Variants in ARHGAP31 observed in about 807,000 individuals in gnomAD.
ARHGAP31 encodes Rho GTPase activating protein 31, also known as rho GTPase-activating protein 31.
A neutral mutation model predicts 113.9 loss-of-function variants in ARHGAP31; 34 were observed. The ratio of observed to expected loss-of-function variants is 0.30; its 90% CI spans 0.23 to 0.40. The LOEUF (loss-of-function observed/expected upper bound fraction) is 0.40. Ranked by LOEUF, ARHGAP31 falls within the 10% of genes least tolerant of loss-of-function variation. The pLI, the probability that ARHGAP31 is intolerant of heterozygous loss-of-function variation, is 1.00. For missense variants in ARHGAP31, 1,548 were observed against 1,767.1 expected, an observed-to-expected ratio of 0.88 and a Z score of 2.22; for synonymous variants, 650 against 684.8, an observed-to-expected ratio of 0.95 and a Z score of 0.79.
At chr3:119,386,404 C>T (rs1015423478) in intron 6 of ARHGAP31, among the ~76,000 whole-genome samples, 2 of 152,190 alleles carry the variant, frequency 1.3e-5, no homozygotes, top group Admixed American at 6.5e-5. Context: ...CACCTTCTCA[C>T]TGTGTTCTCA....
At chr3:119,392,825 C>A (rs1165910808) in intron 7 of ARHGAP31, among the ~76,000 whole-genome samples, 1 of 152,230 alleles carries the variant, frequency 6.6e-6, no homozygotes, top group African/African-American at 2.4e-5. Flanking sequence ...CTCATCCAAC[C>A]CTTTTCAGTC....
intron 1 of ARHGAP31, chr3:119,299,031 G>A (rs921952185): frequency 6.0e-6 from 1 of 167,870 alleles, no homozygotes; most frequent in Non-Finnish European, 1.3e-5. Context: ...GTCCTTAAGG[G>A]CTGAAGAAAA....
rs71156743 is a variant in ARHGAP31, at chr3:119,332,635, TCACACACACACACA to T, written c.101-32653_101-32640del. 5.0e-4 allele frequency among the ~76,000 whole-genome samples: 43 copies of T among 85,722 alleles called. 1 individual carries two copies. Among genetic ancestry groups the T allele is most frequent in the African/African-American group, 1.9e-3 (35 of 18,518 alleles). The allele number at this position is 85,722 out of a possible 152,430, so 56.2% of individuals were successfully genotyped here. A position where few individuals can be genotyped will look rare whatever the true frequency, so the allele number is the denominator to read the frequency against. ...CTCTCTCTCTCTCTCTCTCTCTCTCTCACACACACACACACACACACACACACACACACACACAC... is the reference window on the plus strand; with the variant it reads ...CTCTCTCTCTCTCTCTCTCTCTCTCTCACACACACACACACACACACACAC... On this transcript the variant is annotated intron_variant, in intron 1 of 11. Coordinates refer to ENST00000264245, the MANE Select transcript of ARHGAP31 (RefSeq NM_020754.4).
intron 1 of ARHGAP31, among the ~76,000 whole-genome samples, chr3:119,296,122 G>A (rs547518304): frequency 2.6e-5 from 4 of 152,292 alleles, no homozygotes; most frequent in Non-Finnish European, 5.9e-5. Flanking sequence ...AGTCCATATC[G>A]AATATGCATT....
At chr3:119,360,554 T>A (rs1406400761) in intron 1 of ARHGAP31, among the ~76,000 whole-genome samples, 1 of 152,176 alleles carries the variant, frequency 6.6e-6, no homozygotes, top group Non-Finnish European at 1.5e-5. Flanking sequence ...CTTCGAGAAA[T>A]GTTTGACTTC....
At chr3:119,321,578 T>G (rs2079786378) in intron 1 of ARHGAP31, among the ~76,000 whole-genome samples, 1 of 151,326 alleles carries the variant, frequency 6.6e-6, no homozygotes, top group Non-Finnish European at 1.5e-5. Flanking sequence ...TATGATTTTG[T>G]GTCTTGCTTT....
chr3:119,417,028 T>A lies in ARHGAP31; in HGVS notation c.*764T>A, dbSNP rs2080784928. ...TGCCACTGTACTGGACTGTAATTTATAAATCCAGTAGCTACGCAGGGTGGA... is the reference window on the plus strand; with the variant it reads ...TGCCACTGTACTGGACTGTAATTTAAAAATCCAGTAGCTACGCAGGGTGGA... On this transcript the variant is annotated 3_prime_UTR_variant, in exon 12 of 12. Transcript: ENST00000264245. The A allele has an allele frequency of 6.5e-6, 1 of 152,680 alleles. No individual in the cohort carries two copies. Among genetic ancestry groups the A allele is most frequent in the Admixed American group, 6.5e-5 (1 of 15,322 alleles). The allele number at this position is 152,680 out of a possible 1,614,324, so 9.5% of individuals were successfully genotyped here.
chr3:119,347,294 G>C (rs2080069134), intron 1 of ARHGAP31, among the ~76,000 whole-genome samples: 1 of 152,242 alleles, frequency 6.6e-6, no homozygotes, highest in Non-Finnish European at 1.5e-5. Context: ...CAAGGGCAGT[G>C]TCTTGTAAGT....
rs985088992 is a variant in ARHGAP31, at chr3:119,294,801, C to T, written c.-104C>T. 10 of 1,120,144 alleles carry T rather than the reference C, an allele frequency of 8.9e-6. No homozygotes were observed. The East Asian group carries it at 1.9e-4, about 21-fold the overall frequency. 69.4% of individuals were successfully genotyped at this position (1,120,144 alleles called of 1,614,324 possible). Reference sequence around the variant, plus strand: ...TCTTCCATCTTCCGATGCGGCCCCCCAGAGCCGCGGGGCAGCCGGTGATCT... The same window carrying T: ...TCTTCCATCTTCCGATGCGGCCCCCTAGAGCCGCGGGGCAGCCGGTGATCT... On this transcript the variant is annotated 5_prime_UTR_variant, in exon 1 of 12. Transcript: ENST00000264245.
At chr3:119,393,664 G>A in intron 8 of ARHGAP31, 73 bp downstream of exon 8, 1 of 1,575,008 alleles carries the variant, frequency 6.3e-7, no homozygotes, top group South Asian at 1.1e-5. Context: ...TCTTTGGTTT[G>A]ATCATATCAA....
At chr3:119,390,039 C>G (rs2080490126) in intron 6 of ARHGAP31, among the ~76,000 whole-genome samples, 1 of 152,108 alleles carries the variant, frequency 6.6e-6, no homozygotes, top group South Asian at 2.1e-4. Context: ...CCAGATGTCC[C>G]TGGGTGTGGA....
chr3:119,339,390 G>GT (rs549516596), intron 1 of ARHGAP31, among the ~76,000 whole-genome samples: 13 of 151,826 alleles, frequency 8.6e-5, no homozygotes, highest in African/African-American at 1.2e-4. Flanking sequence ...TCCCAGCAAG[G>GT]TTTTTTTTGT....
At chr3:119,412,655 G>C (rs1229958347) in intron 11 of ARHGAP31, among the ~76,000 whole-genome samples, 1 of 152,150 alleles carries the variant, frequency 6.6e-6, no homozygotes, top group African/African-American at 2.4e-5. Context: ...GTATGATTTT[G>C]ATGTCTTTGT....
At chr3:119,316,947 C>T (rs1387186183) in intron 1 of ARHGAP31, among the ~76,000 whole-genome samples, 1 of 152,234 alleles carries the variant, frequency 6.6e-6, no homozygotes, top group Admixed American at 6.5e-5. Context: ...CTATGTCCCT[C>T]CTGTCTTTGC....
chr3:119,310,453 T>C (rs2079669701), intron 1 of ARHGAP31, among the ~76,000 whole-genome samples: 1 of 152,168 alleles, frequency 6.6e-6, no homozygotes, highest in South Asian at 2.1e-4. Flanking sequence ...ACAGGTATGA[T>C]CCATGGTCCC....
chr3:119,298,907 C>T (rs2079556235), intron 1 of ARHGAP31: 1 of 237,048 alleles, frequency 4.2e-6, no homozygotes, highest in Admixed American at 4.0e-5. Context: ...CCATTCACAG[C>T]AAGGTAGTCA....
At position 119,401,899 on chromosome 3, in the gene ARHGAP31, A is replaced by G. The variant is rs1480707778; in HGVS notation, c.1147A>G (p.Thr383Ala). Reference protein sequence around the residue: ...FFIPATKMHSTGTGSSCDLTK... With the variant: ...FFIPATKMHSAGTGSSCDLTK... ...CATTCCAGCAACAAAGATGCACTCCACCGGCACCGGCAGCTCATGTGACCT... is the reference window on the plus strand; with the variant it reads ...CATTCCAGCAACAAAGATGCACTCCGCCGGCACCGGCAGCTCATGTGACCT... Residue 383 changes from threonine (T) to alanine (A), a missense_variant, in exon 10 of 12, where the codon ACC (threonine) becomes GCC (alanine). Coordinates refer to ENST00000264245, the MANE Select transcript of ARHGAP31 (RefSeq NM_020754.4). The G allele has an allele frequency of 1.2e-6, 2 of 1,613,892 alleles. No homozygotes were observed. Among genetic ancestry groups the G allele is most frequent in the Admixed American group, 3.3e-5 (2 of 59,990 alleles).
At chr3:119,310,591 G>A (rs900382994) in intron 1 of ARHGAP31, among the ~76,000 whole-genome samples, 8 of 152,170 alleles carry the variant, frequency 5.3e-5, no homozygotes, top group African/African-American at 1.9e-4. Flanking sequence ...TGCGCACGAG[G>A]GATTTAGGTT....
Position 119,386,513 on chromosome 3 carries a change from G to T in ARHGAP31, c.682+3287G>T, listed in dbSNP as rs116568511. On this transcript the variant is annotated intron_variant, in intron 6 of 11. Transcript: ENST00000264245. ...CCTCATGACCTAATCACCTCCTAAAGACCTCACCTCTTAATTCTATTGCTT... is the reference window on the plus strand; with the variant it reads ...CCTCATGACCTAATCACCTCCTAAATACCTCACCTCTTAATTCTATTGCTT... 7.3e-3 allele frequency among the ~76,000 whole-genome samples: 1,109 copies of T among 152,214 alleles called. 11 individuals carry two copies. The highest frequency in any genetic ancestry group is 0.025 in the African/African-American group (1,034 of 41,526).
Sources: gnomAD v4.1 joint callset for allele counts (sites outside exome capture counted in the v4.1 genomes callset) on GRCh38, gnomAD v4.1.1 for gene constraint, MANE v1.5 for transcripts, NCBI Gene and HGNC (gene_info 2026-07-23, HGNC 2026-07-21) for gene names.